TRIM33: variants seen among roughly 807,000 people sequenced by gnomAD.
TRIM33 encodes the protein E3 ubiquitin-protein ligase TRIM33.
A neutral mutation model predicts 125.4 loss-of-function variants in TRIM33; 20 were observed. The ratio of observed to expected loss-of-function variants is 0.16; its 90% confidence interval spans 0.11 to 0.23. The LOEUF is 0.23. Among genes scored for constraint, TRIM33 ranks in the 10% least tolerant of loss-of-function variants. TRIM33 has a pLI of 1.00. For synonymous variants in TRIM33, 564 were observed against 513.9 expected, an observed-to-expected ratio of 1.10 and a Z score of -1.32; for missense variants, 920 against 1,411.4, an observed-to-expected ratio of 0.65 and a Z score of 5.58.
chr1:114,412,467 T>G (rs935237938), intron 11 of TRIM33, among the ~76,000 whole-genome samples: 1 of 152,210 alleles, frequency 6.6e-6, no homozygotes, highest in Non-Finnish European at 1.5e-5. Flanking sequence ...AAATCAAGAA[T>G]AGTGAACAGA....
chr1:114,402,286 T>C (rs1002007750), intron 16 of TRIM33, among the ~76,000 whole-genome samples: 34 of 152,100 alleles, frequency 2.2e-4, no homozygotes, highest in Non-Finnish European at 2.8e-4. Flanking sequence ...AAACAAACTA[T>C]AAAGGTCAAG....
chr1:114,428,173 C>A (rs1389057149), intron 6 of TRIM33, among the ~76,000 whole-genome samples: 1 of 152,092 alleles, frequency 6.6e-6, no homozygotes, highest in Admixed American at 6.6e-5. Flanking sequence ...TAGTGTCTTC[C>A]TATTAGATTA....
chr1:114,494,628 G>A (rs775933418), intron 1 of TRIM33, among the ~76,000 whole-genome samples: 1 of 152,094 alleles, frequency 6.6e-6, no homozygotes, highest in Non-Finnish European at 1.5e-5. Context: ...CAAACCACAG[G>A]GGAAAAGGTA....
chr1:114,425,875 G>A, intron 8 of TRIM33, 152 bp from the exon 9 acceptor site: 1 of 613,438 alleles, frequency 1.6e-6, no homozygotes, highest in Non-Finnish European at 2.9e-6. Context: ...TAAAGATGAT[G>A]ATGATGATCA....
chr1:114,481,473 C>A (rs1313509802), intron 1 of TRIM33, among the ~76,000 whole-genome samples: 2 of 151,522 alleles, frequency 1.3e-5, no homozygotes, highest in Admixed American at 1.3e-4. Flanking sequence ...CGCCTATAAT[C>A]CCAGCTACTC....
chr1:114,510,904 C>T lies in TRIM33; in HGVS notation c.173G>A (p.Gly58Asp). Residue 58 changes from glycine to aspartate, a missense_variant, in exon 1 of 20, where the codon GGC becomes GAC. This residue lies in a region of TRIM33 where 233 missense variants were observed against 189.6 expected (regional missense o/e 1.23). Transcript: ENST00000358465. ...CCCCCCGTCGTCGGGCCCGGCCGCG[C>T]CGCCCTCAGCGCCGGCCCTGCCGCC... Reference protein sequence around the residue: ...EEGGRAGAEGGAAGPDDGGVA... With the variant: ...EEGGRAGAEGDAAGPDDGGVA... 1 of 1,423,980 alleles carries T rather than the reference C, an allele frequency of 7.0e-7. No homozygotes were observed. Among genetic ancestry groups the T allele is most frequent in the Non-Finnish European group, 9.1e-7 (1 of 1,096,150 alleles). 88.2% of individuals were successfully genotyped at this position (1,423,980 alleles called of 1,614,324 possible).
intron 4 of TRIM33, among the ~76,000 whole-genome samples, chr1:114,442,687 C>CAAA (rs34847018): frequency 2.7e-5 from 2 of 73,850 alleles, no homozygotes; most frequent in African/African-American, 9.8e-5. Context: ...GACTCTGTCT[C>CAAA]AAAAAAAAAA....
At chr1:114,420,439 GAAC>G (rs757530501) in intron 11 of TRIM33, 222 of 1,334,398 alleles carry the variant, frequency 1.7e-4, no homozygotes, top group Non-Finnish European at 2.0e-4. Context: ...TGCATCATCG[GAAC>G]AACGTTTGCC....
intron 1 of TRIM33, among the ~76,000 whole-genome samples, chr1:114,488,025 C>G (rs1651824584): frequency 6.7e-6 from 1 of 149,288 alleles, no homozygotes; most frequent in East Asian, 2.0e-4. Flanking sequence ...TCTATATAGA[C>G]AGAAAATTAA....
At chr1:114,509,420 G>A (rs779217114) in intron 1 of TRIM33, among the ~76,000 whole-genome samples, 7 of 152,176 alleles carry the variant, frequency 4.6e-5, no homozygotes, top group South Asian at 2.1e-4. Flanking sequence ...TAACGTGTTT[G>A]ATAGAGTTAA....
intron 1 of TRIM33, among the ~76,000 whole-genome samples, chr1:114,502,134 T>C (rs1212045346): frequency 6.6e-6 from 1 of 152,242 alleles, no homozygotes; most frequent in East Asian, 1.9e-4. Flanking sequence ...AGTTAATAAG[T>C]ACTTTCTTCA....
chr1:114,404,100 T>C (rs1450936132), intron 15 of TRIM33, among the ~76,000 whole-genome samples: 1 of 152,198 alleles, frequency 6.6e-6, no homozygotes, highest in Non-Finnish European at 1.5e-5. Flanking sequence ...GATATATACA[T>C]AGATCCTAAA....
chr1:114,407,863 C>T (rs1652344739), intron 13 of TRIM33, among the ~76,000 whole-genome samples: 1 of 152,110 alleles, frequency 6.6e-6, no homozygotes, highest in East Asian at 1.9e-4. Flanking sequence ...TTTCCTATAA[C>T]CCAATAGTTG....
intron 1 of TRIM33, among the ~76,000 whole-genome samples, chr1:114,484,127 T>C (rs964660777): frequency 1.3e-5 from 2 of 152,180 alleles, no homozygotes; most frequent in African/African-American, 4.8e-5. Flanking sequence ...TATTTTGAAA[T>C]AATGGTCTGC....
At chr1:114,445,550 G>A (rs1310880466) in intron 4 of TRIM33, among the ~76,000 whole-genome samples, 1 of 152,106 alleles carries the variant, frequency 6.6e-6, no homozygotes, top group Non-Finnish European at 1.5e-5. Context: ...TGGAAAATCT[G>A]TTTTGAGGAA....
intron 17 of TRIM33, among the ~76,000 whole-genome samples, chr1:114,401,161 G>A (rs112325511): frequency 1.5e-3 from 229 of 151,572 alleles, no homozygotes; most frequent in Non-Finnish European, 3.0e-3. Context: ...CTCAGCCTCC[G>A]GAGTAGCTGG....
intron 4 of TRIM33, among the ~76,000 whole-genome samples, chr1:114,456,110 G>A (rs562082761): frequency 1.3e-5 from 2 of 152,264 alleles, no homozygotes; most frequent in African/African-American, 4.8e-5. Context: ...TTTATGTGAG[G>A]TGGTTACGTC....
At chr1:114,510,251 T>C (rs1305180022) in intron 1 of TRIM33, among the ~76,000 whole-genome samples, 2 of 152,166 alleles carry the variant, frequency 1.3e-5, no homozygotes, top group African/African-American at 4.8e-5. Flanking sequence ...TCTCTCACTG[T>C]ACGGGTCTGC....
intron 17 of TRIM33, among the ~76,000 whole-genome samples, chr1:114,400,780 T>G (rs2101081584): frequency 6.6e-6 from 1 of 152,344 alleles, no homozygotes; most frequent in South Asian, 2.1e-4. Context: ...GTGTAGAATA[T>G]TCTTACCCCA....
Sources: allele counts gnomAD v4.1 joint callset (sites outside exome capture counted in the v4.1 genomes callset), GRCh38; gene constraint gnomAD v4.1.1; regional missense constraint gnomAD v4.1.1; transcripts MANE v1.5; gene names NCBI Gene and HGNC (gene_info 2026-07-23, HGNC 2026-07-21).